Variants in EPHA6 observed in about 807,000 individuals in gnomAD.
EPHA6 encodes the protein EPH receptor A6, also known as ephrin type-A receptor 6.
A neutral mutation model predicts 112.0 loss-of-function variants in EPHA6; 50 were observed. The observed-to-expected ratio is 0.45, with a 90% CI of 0.36 to 0.56. EPHA6 has a LOEUF of 0.56. EPHA6 is among the 20% of genes least tolerant of loss of function. The probability of loss-of-function intolerance (pLI) is 0.00; values close to 1 mark genes in which losing one functional copy is unlikely to be tolerated. For missense variants in EPHA6, 1,280 were observed against 1,417.4 expected (o/e 0.90, Z 1.56); for synonymous variants, 529 against 490.7 (o/e 1.08, Z -1.03).
chr3:97,244,422 G>GTTGTTC, intron 5 of EPHA6, 135 bp downstream of exon 5: 1 of 690,340 alleles, frequency 1.4e-6, no homozygotes, highest in Non-Finnish European at 2.4e-6. Flanking sequence ...TGCACTGGTT[G>GTTGTTC]TTGTTCTTGT....
intron 4 of EPHA6, among the ~76,000 whole-genome samples, chr3:97,235,017 A>C (rs2078640794): frequency 1.3e-5 from 2 of 152,004 alleles, no homozygotes; most frequent in Non-Finnish European, 2.9e-5. Flanking sequence ...AGTTTCCTCT[A>C]CTTGAAATGC....
intron 6 of EPHA6, among the ~76,000 whole-genome samples, chr3:97,441,664 T>C (rs2090142010): frequency 6.6e-6 from 1 of 152,064 alleles, no homozygotes; most frequent in Non-Finnish European, 1.5e-5. Flanking sequence ...ATATAGGTCT[T>C]ACATACTTTT....
At chr3:97,626,117 G>C (rs879538387) in intron 13 of EPHA6, among the ~76,000 whole-genome samples, 5 of 151,734 alleles carry the variant, frequency 3.3e-5, no homozygotes, top group Admixed American at 6.6e-5. Flanking sequence ...TGAAGAGCAA[G>C]TTCTACTACT....
At chr3:97,598,005 G>A (rs982469847) in intron 12 of EPHA6, among the ~76,000 whole-genome samples, 2 of 152,118 alleles carry the variant, frequency 1.3e-5, no homozygotes, top group Non-Finnish European at 2.9e-5. Flanking sequence ...ATATGCCAAG[G>A]AAAGTCAACA....
intron 5 of EPHA6, among the ~76,000 whole-genome samples, chr3:97,272,795 G>A (rs1013448532): frequency 1.3e-5 from 2 of 152,120 alleles, no homozygotes; most frequent in East Asian, 3.8e-4. Context: ...GGCAGGAACC[G>A]GCCATCTGGA....
chr3:96,848,277 G>C (rs2035190634), intron 1 of EPHA6, among the ~76,000 whole-genome samples: 1 of 151,876 alleles, frequency 6.6e-6, no homozygotes, highest in South Asian at 2.1e-4. Context: ...ATTTGGTCCA[G>C]TCCAAGTCTA....
chr3:97,567,163 CAAG>C (rs1345634908), intron 11 of EPHA6, among the ~76,000 whole-genome samples: 9 of 152,136 alleles, frequency 5.9e-5, no homozygotes, highest in Admixed American at 5.9e-4. Flanking sequence ...GGAATGGAAA[CAAG>C]AAGATCTAAT....
intron 3 of EPHA6, among the ~76,000 whole-genome samples, chr3:97,006,114 GGAT>G (rs1218365313): frequency 6.6e-6 from 1 of 152,148 alleles, no homozygotes; most frequent in Non-Finnish European, 1.5e-5. Context: ...TTTGGTATCA[GGAT>G]GATGTTGGCT....
At chr3:97,138,911 C>G (rs2075827326) in intron 3 of EPHA6, among the ~76,000 whole-genome samples, 1 of 152,176 alleles carries the variant, frequency 6.6e-6, no homozygotes, top group African/African-American at 2.4e-5. Flanking sequence ...TGGAGACCCT[C>G]TGGATTTGGG....
chr3:97,674,455 C>T (rs1221009659), intron 14 of EPHA6, among the ~76,000 whole-genome samples: 4 of 152,088 alleles, frequency 2.6e-5, no homozygotes, highest in African/African-American at 9.7e-5. Context: ...GACAATTTAC[C>T]TAATTGTTTT....
rs955960940 is a variant in EPHA6, at chr3:97,635,184, G to A, written c.2575-2689G>A. Among the ~76,000 whole-genome samples the A allele has an allele frequency of 2.0e-5, 3 of 151,968 alleles. No homozygotes were observed. In the South Asian group the frequency reaches 6.2e-4, roughly 32 times the overall value. On this transcript the variant is annotated intron_variant, in intron 13 of 17. Transcript: ENST00000389672. ...AAATGTCTTGGCCAATGGATTAGAAGTAAATATCCTACATTTATAGTCCTA... is the reference window on the plus strand; with the variant it reads ...AAATGTCTTGGCCAATGGATTAGAAATAAATATCCTACATTTATAGTCCTA...
chr3:97,561,873 C>T (rs775209714), intron 11 of EPHA6, among the ~76,000 whole-genome samples: 7 of 152,090 alleles, frequency 4.6e-5, no homozygotes, highest in Non-Finnish European at 1.0e-4. Context: ...TTCTCATTTA[C>T]CATTCTGAAA....
At chr3:96,865,408 G>GC in intron 1 of EPHA6, among the ~76,000 whole-genome samples, 1 of 152,070 alleles carries the variant, frequency 6.6e-6, no homozygotes, top group Non-Finnish European at 1.5e-5. Context: ...CCAGCCAGGT[G>GC]CCTTGGCTCA....
intron 2 of EPHA6, among the ~76,000 whole-genome samples, chr3:96,976,188 G>A (rs1299981912): frequency 1.3e-5 from 2 of 152,070 alleles, no homozygotes; most frequent in Non-Finnish European, 2.9e-5. Flanking sequence ...CAGAACTAAA[G>A]TTGTCTAAAA....
intron 3 of EPHA6, among the ~76,000 whole-genome samples, chr3:97,153,972 C>T (rs930982416): frequency 6.6e-5 from 10 of 151,904 alleles, no homozygotes; most frequent in African/African-American, 2.4e-4. Context: ...TCGAAACCAG[C>T]CTGCCCAACA....
intron 2 of EPHA6, among the ~76,000 whole-genome samples, chr3:96,939,357 T>G (rs991042961): frequency 1.3e-5 from 2 of 152,220 alleles, no homozygotes; most frequent in African/African-American, 4.8e-5. Context: ...GTCGAGGAAT[T>G]TATCCACTTC....
At chr3:97,548,760 G>T (rs376817688) in intron 11 of EPHA6, among the ~76,000 whole-genome samples, 18 of 152,176 alleles carry the variant, frequency 1.2e-4, no homozygotes, top group African/African-American at 4.3e-4. Flanking sequence ...TCCAGTGGTT[G>T]AAGGACACCT....
intron 14 of EPHA6, among the ~76,000 whole-genome samples, chr3:97,675,531 A>C (rs2031288575): frequency 6.6e-6 from 1 of 152,106 alleles, no homozygotes; most frequent in Non-Finnish European, 1.5e-5. Context: ...CATCCCAAAG[A>C]ATCTACATAA....
chr3:97,509,991 T>C (rs1019794239), intron 10 of EPHA6, among the ~76,000 whole-genome samples: 21 of 152,250 alleles, frequency 1.4e-4, no homozygotes, highest in African/African-American at 5.1e-4. Flanking sequence ...CTATTCATAC[T>C]TGTGTACACT....
Sources: gnomAD v4.1 joint callset for allele counts (sites outside exome capture counted in the v4.1 genomes callset) on GRCh38, gnomAD v4.1.1 for gene constraint, MANE v1.5 for transcripts, NCBI Gene and HGNC (gene_info 2026-07-23, HGNC 2026-07-21) for gene names.